DBF4B: variants seen among roughly 807,000 people sequenced by gnomAD.
DBF4B encodes the protein DBF4B-CDC7 kinase regulatory subunit.
DBF4B carries 49 observed loss-of-function variants against 53.4 expected under a neutral mutation model. The observed-to-expected ratio is 0.92, with a 90% CI of 0.73 to 1.16. DBF4B has a LOEUF of 1.16. Ranked by LOEUF, DBF4B falls within the 50% of genes most tolerant of loss-of-function variation. The pLI is 0.00. For missense variants in DBF4B, 692 were observed against 775.0 expected (o/e 0.89, Z 1.27); for synonymous variants, 257 against 288.7 (o/e 0.89, Z 1.11).
intron 13 of DBF4B, chr17:44,748,669 T>C: frequency 6.8e-7 from 1 of 1,463,030 alleles, no homozygotes; most frequent in Non-Finnish European, 9.1e-7. Flanking sequence ...GGAACTCTCC[T>C]CTGGCCCAGA....
At chr17:44,732,003 G>A in intron 5 of DBF4B, 175 bp from the exon 6 acceptor site, 1 of 595,544 alleles carries the variant, frequency 1.7e-6, no homozygotes, top group Non-Finnish European at 3.0e-6. Flanking sequence ...AGGACAGGAT[G>A]TCTTCCTGGG....
At chr17:44,743,011 C>T (rs1976234460) in intron 10 of DBF4B, among the ~76,000 whole-genome samples, 1 of 151,902 alleles carries the variant, frequency 6.6e-6, no homozygotes, top group Admixed American at 6.6e-5. Context: ...GAAAATAGTA[C>T]AAATAGGAGG....
intron 2 of DBF4B, among the ~76,000 whole-genome samples, chr17:44,710,566 GA>G (rs1972777555): frequency 6.6e-6 from 1 of 151,886 alleles, no homozygotes; most frequent in African/African-American, 2.4e-5. Flanking sequence ...ATTGATGAAA[GA>G]AAAAAATGTT....
At chr17:44,743,672 G>A (rs904368609) in intron 10 of DBF4B, among the ~76,000 whole-genome samples, 4 of 148,330 alleles carry the variant, frequency 2.7e-5, no homozygotes, top group African/African-American at 5.0e-5. Flanking sequence ...GTGCAGTGGC[G>A]TGATCTCTGC....
chr17:44,708,759 G>T lies in DBF4B; in HGVS notation c.-62G>T. 6.5e-7 allele frequency: 1 copy of T among 1,539,368 alleles called. No homozygotes were observed. Among genetic ancestry groups the T allele is most frequent in the Non-Finnish European group, 8.8e-7 (1 of 1,139,216 alleles). On this transcript the variant is annotated 5_prime_UTR_variant, in exon 1 of 14. Coordinates refer to ENST00000315005, the MANE Select transcript of DBF4B (RefSeq NM_145663.3). ...GAATCGGGAAGAGCTCATGGAGCTCGCGAATGTAATACGGAGGCCTCTGAG... is the reference window on the plus strand; with the variant it reads ...GAATCGGGAAGAGCTCATGGAGCTCTCGAATGTAATACGGAGGCCTCTGAG...
At chr17:44,746,635 A>C (rs1011003549) in intron 10 of DBF4B, among the ~76,000 whole-genome samples, 9 of 152,120 alleles carry the variant, frequency 5.9e-5, no homozygotes, top group African/African-American at 2.2e-4. Flanking sequence ...CCTGGCCAAC[A>C]TGGTGAAACC....
chr17:44,752,005 C>T lies in DBF4B; in HGVS notation c.*752C>T. The T allele has an allele frequency of 6.5e-7, 1 of 1,533,992 alleles. No individual in the cohort carries two copies. On this transcript the variant is annotated 3_prime_UTR_variant, in exon 14 of 14. Transcript: ENST00000315005. ...CTGAAGAGCCCTCCAGCCCTAACTA[C>T]TTTACTCAGACTAGGTCCCCAGGCC...
intron 3 of DBF4B, among the ~76,000 whole-genome samples, chr17:44,725,681 C>CTGCTTTTTTTTTT (rs1974250978): frequency 1.3e-5 from 1 of 79,096 alleles, no homozygotes; most frequent in Non-Finnish European, 2.5e-5. Context: ...TTTTTTTGTG[C>CTGCTTTTTTTTTT]TTCTTTTTTT....
chr17:44,746,516 C>G (rs1469379957), intron 10 of DBF4B, among the ~76,000 whole-genome samples: 1 of 152,014 alleles, frequency 6.6e-6, no homozygotes, highest in Non-Finnish European at 1.5e-5. Flanking sequence ...CTTCACCTGT[C>G]GTTTAAGAGA....
At chr17:44,730,475 CAT>C (rs1356771116) in intron 4 of DBF4B, among the ~76,000 whole-genome samples, 3 of 152,204 alleles carry the variant, frequency 2.0e-5, no homozygotes, top group Admixed American at 6.5e-5. Context: ...GGACAATACA[CAT>C]GTTATGTCTT....
chr17:44,713,402 C>G (rs1009983499), intron 2 of DBF4B, among the ~76,000 whole-genome samples: 2 of 151,488 alleles, frequency 1.3e-5, no homozygotes, highest in Non-Finnish European at 2.9e-5. Context: ...CCTGTAATCC[C>G]AGCACTTTGG....
chr17:44,710,710 C>A (rs8079243), intron 2 of DBF4B, among the ~76,000 whole-genome samples: 61,781 of 151,794 alleles, frequency 0.41, 14,892 homozygotes, highest in East Asian at 0.72. Context: ...GGACTGCAGG[C>A]ACTCAACACC....
chr17:44,747,101 G>A lies in DBF4B; in HGVS notation c.849G>A (p.Glu283=), dbSNP rs754173040. 6.2e-7 allele frequency: 1 copy of A among 1,614,134 alleles called. No homozygotes were observed. The highest frequency in any genetic ancestry group is 1.1e-5 in the South Asian group (1 of 91,084). ...TCCCCAGAGAATCCAAGGATGGAGA[G>A]CCAAGCCCACGATCAGCTGCCCACA... ...MHHTRESKDG[E]PSPRSAAHTM... is the part of the protein sequence containing the mutation. Residue 283 remains glutamate, a synonymous_variant, in exon 11 of 14, where the codon GAG becomes GAA. Transcript: ENST00000315005.
At chr17:44,711,310 A>T (rs1194188615) in intron 2 of DBF4B, among the ~76,000 whole-genome samples, 1 of 151,230 alleles carries the variant, frequency 6.6e-6, no homozygotes, top group Non-Finnish European at 1.5e-5. Context: ...AAATTTTTTT[A>T]AATTATTATT....
chr17:44,737,587 G>A (rs17744970), intron 8 of DBF4B, among the ~76,000 whole-genome samples: 7,321 of 152,260 alleles, frequency 0.048, 266 homozygotes, highest in Non-Finnish European at 0.075. Context: ...AGGTGCCAGC[G>A]TCTTTGGGGA....
At chr17:44,748,721 G>T in intron 13 of DBF4B, 3 of 1,384,896 alleles carry the variant, frequency 2.2e-6, no homozygotes, top group Non-Finnish European at 2.9e-6. Flanking sequence ...CAGTTCCCCA[G>T]TGGCAGTGCT....
At chr17:44,713,498 C>G (rs1438142635) in intron 2 of DBF4B, among the ~76,000 whole-genome samples, 1 of 151,658 alleles carries the variant, frequency 6.6e-6, no homozygotes, top group Admixed American at 6.6e-5. Context: ...ACTAAAAATA[C>G]AAAAATCAGT....
intron 7 of DBF4B, 151 bp from the exon 8 acceptor site, chr17:44,736,679 T>C: frequency 1.3e-6 from 1 of 784,982 alleles, no homozygotes; most frequent in East Asian, 2.6e-5. Flanking sequence ...CCAGGTCTGC[T>C]CCAGCTCAGG....
chr17:44,750,279 G>T, intron 13 of DBF4B: 1 of 1,105,324 alleles, frequency 9.0e-7, no homozygotes, highest in Non-Finnish European at 1.1e-6. Context: ...TTTGTACCGT[G>T]ATTCTTCTCA....
Sources: allele counts gnomAD v4.1 joint callset (sites outside exome capture counted in the v4.1 genomes callset), GRCh38; gene constraint gnomAD v4.1.1; transcripts MANE v1.5; gene names NCBI Gene and HGNC (gene_info 2026-07-23, HGNC 2026-07-21).